The following SPIDR variants were observed in gnomAD, a reference collection of about 807,000 sequenced individuals.
The protein encoded by SPIDR is scaffold protein involved in DNA repair.
SPIDR carries 93 observed loss-of-function variants against 104.6 expected under a neutral mutation model. The observed-to-expected ratio is 0.89, with a 90% CI of 0.75 to 1.06. SPIDR has a LOEUF of 1.06. Ranked by LOEUF, SPIDR falls within the 50% of genes least tolerant of loss-of-function variation. SPIDR has a pLI of 0.00. For missense variants in SPIDR, 1,154 were observed against 1,111.2 expected, an observed-to-expected ratio of 1.04 and a Z score of -0.55; for synonymous variants, 431 against 416.9, an observed-to-expected ratio of 1.03 and a Z score of -0.41.
At chr8:47,294,128 G>A (rs1396445051) in intron 5 of SPIDR, 98 bp downstream of exon 5, 14 of 1,454,512 alleles carry the variant, frequency 9.6e-6, no homozygotes, top group African/African-American at 4.4e-5. Flanking sequence ...GTCCTTCCTC[G>A]AGAACAACCA....
chr8:47,692,567 G>A (rs1329364449), intron 11 of SPIDR, among the ~76,000 whole-genome samples: 1 of 136,258 alleles, frequency 7.3e-6, no homozygotes, highest in Non-Finnish European at 1.5e-5. Context: ...GTGCGATCTT[G>A]GCTCACTGCA....
chr8:47,272,962 A>G (rs2035636172), intron 1 of SPIDR, among the ~76,000 whole-genome samples: 1 of 152,216 alleles, frequency 6.6e-6, no homozygotes, highest in Admixed American at 6.5e-5. Context: ...TCACTTAGGT[A>G]CCCATAAAAA....
At chr8:47,495,143 AT>A (rs1042266062) in intron 8 of SPIDR, among the ~76,000 whole-genome samples, 4 of 152,074 alleles carry the variant, frequency 2.6e-5, no homozygotes, top group Non-Finnish European at 4.4e-5. Context: ...CATGGCAACA[AT>A]ATTGCCACCA....
At chr8:47,389,429 C>G (rs1390481014) in intron 5 of SPIDR, among the ~76,000 whole-genome samples, 1 of 152,106 alleles carries the variant, frequency 6.6e-6, no homozygotes. Flanking sequence ...GTGGCTCACA[C>G]CTGTAATCCC....
At chr8:47,317,449 A>G (rs1328590246) in intron 5 of SPIDR, among the ~76,000 whole-genome samples, 3 of 152,148 alleles carry the variant, frequency 2.0e-5, no homozygotes, top group Non-Finnish European at 4.4e-5. Context: ...AAACAAAGCC[A>G]CAGGGAAGCT....
chr8:47,593,726 T>C (rs150085893), intron 8 of SPIDR, among the ~76,000 whole-genome samples: 11 of 152,292 alleles, frequency 7.2e-5, no homozygotes, highest in African/African-American at 1.9e-4. Flanking sequence ...GGTTCCTCAG[T>C]TGACAGTTGA....
At chr8:47,334,573 T>C (rs1296812217) in intron 5 of SPIDR, among the ~76,000 whole-genome samples, 2 of 152,240 alleles carry the variant, frequency 1.3e-5, no homozygotes, top group African/African-American at 4.8e-5. Context: ...ATTAATAGGC[T>C]ACTCCTGCTT....
intron 8 of SPIDR, among the ~76,000 whole-genome samples, chr8:47,452,353 C>A (rs1355099497): frequency 6.6e-6 from 1 of 152,164 alleles, no homozygotes; most frequent in Non-Finnish European, 1.5e-5. Flanking sequence ...TCTTCCCTAA[C>A]TCATTTTATG....
intron 10 of SPIDR, 150 bp downstream of exon 10, chr8:47,599,346 A>C (rs2061988534): frequency 2.0e-6 from 2 of 987,952 alleles, no homozygotes; most frequent in South Asian, 3.6e-5. Flanking sequence ...AAAATTTGGG[A>C]TACATGGCAT....
At chr8:47,650,031 C>T (rs1246208362) in intron 10 of SPIDR, among the ~76,000 whole-genome samples, 3 of 152,130 alleles carry the variant, frequency 2.0e-5, no homozygotes, top group African/African-American at 7.2e-5. Flanking sequence ...TGAAAGCATT[C>T]CCCTTGATAA....
intron 11 of SPIDR, among the ~76,000 whole-genome samples, chr8:47,675,537 T>G (rs1293819679): frequency 6.6e-6 from 1 of 152,130 alleles, no homozygotes; most frequent in African/African-American, 2.4e-5. Flanking sequence ...GAATATTCAT[T>G]GTAGGCCAGG....
chr8:47,290,732 TA>T, intron 3 of SPIDR, among the ~76,000 whole-genome samples: 1 of 152,222 alleles, frequency 6.6e-6, no homozygotes, highest in Non-Finnish European at 1.5e-5. Context: ...GTTATACTTT[TA>T]TAAATGTTAT....
rs1348284788 is a variant in SPIDR, at chr8:47,545,183, C to T, written c.1098-50628C>T. On this transcript the variant is annotated intron_variant, in intron 8 of 19. Transcript: ENST00000297423. ...TCGCCCAGGCTGGAGTGCAGTGGTGCGATCTCAGCTCACTGCAACCTCTGC... is the reference window on the plus strand; with the variant it reads ...TCGCCCAGGCTGGAGTGCAGTGGTGTGATCTCAGCTCACTGCAACCTCTGC... Among the ~76,000 whole-genome samples, 6 of 142,504 alleles carry T rather than the reference C, an allele frequency of 4.2e-5. No individual in the cohort carries two copies. The East Asian group carries it at 6.2e-4, about 15-fold the overall frequency. 93.5% of individuals were successfully genotyped at this position (142,504 alleles called of 152,430 possible).
At chr8:47,540,908 G>A (rs1415025416) in intron 8 of SPIDR, among the ~76,000 whole-genome samples, 3 of 152,140 alleles carry the variant, frequency 2.0e-5, no homozygotes, top group African/African-American at 7.2e-5. Context: ...TGCCTAGGCT[G>A]GAGTGCAGTG....
At chr8:47,724,412 A>G (rs1447626804) in intron 16 of SPIDR, among the ~76,000 whole-genome samples, 3 of 152,170 alleles carry the variant, frequency 2.0e-5, no homozygotes, top group African/African-American at 7.2e-5. Context: ...AGGTCTGCCC[A>G]CCTCCATCAG....
intron 12 of SPIDR, 120 bp from the exon 13 acceptor site, chr8:47,701,601 A>C: frequency 1.1e-6 from 1 of 944,088 alleles, no homozygotes; most frequent in Non-Finnish European, 1.6e-6. Flanking sequence ...ATAGCATTCC[A>C]GAGAGAGGAT....
chr8:47,466,705 A>C (rs925073891), intron 8 of SPIDR, among the ~76,000 whole-genome samples: 3 of 151,026 alleles, frequency 2.0e-5, no homozygotes, highest in Non-Finnish European at 4.4e-5. Flanking sequence ...TACGAAAAAT[A>C]CAAAAAAAAA....
At chr8:47,363,600 A>C (rs1554632061) in intron 5 of SPIDR, among the ~76,000 whole-genome samples, 1 of 151,498 alleles carries the variant, frequency 6.6e-6, no homozygotes, top group Non-Finnish European at 1.5e-5. Flanking sequence ...ATCTCTGGGG[A>C]GGAAGCTTGT....
At chr8:47,553,945 CTGTT>C (rs1468451913) in intron 8 of SPIDR, among the ~76,000 whole-genome samples, 1 of 152,146 alleles carries the variant, frequency 6.6e-6, no homozygotes, top group Non-Finnish European at 1.5e-5. Context: ...GATGTCCTTC[CTGTT>C]TGTTTGTTTT....
Sources: allele counts gnomAD v4.1 joint callset (sites outside exome capture counted in the v4.1 genomes callset), GRCh38; gene constraint gnomAD v4.1.1; transcripts MANE v1.5; gene names NCBI Gene and HGNC (gene_info 2026-07-23, HGNC 2026-07-21).